The following RAB8B variants were observed in gnomAD, a reference collection of about 807,000 sequenced individuals.
RAB8B encodes ras-related protein Rab-8B.
RAB8B carries 11 observed loss-of-function variants against 32.0 expected under a neutral mutation model. The observed-to-expected ratio is 0.34, with a 90% CI of 0.22 to 0.57. The LOEUF (loss-of-function observed/expected upper bound fraction) is 0.57, where lower values mean the gene tolerates loss of function less well. Among genes scored for constraint, RAB8B ranks in the 20% least tolerant of loss-of-function variants. RAB8B has a pLI of 0.86. For synonymous variants in RAB8B, 103 were observed against 89.6 expected, an observed-to-expected ratio of 1.15 and a Z score of -0.85; for missense variants, 190 against 258.5, an observed-to-expected ratio of 0.73 and a Z score of 1.82.
At chr15:63,218,150 G>A (rs909999539) in intron 1 of RAB8B, among the ~76,000 whole-genome samples, 1 of 151,962 alleles carries the variant, frequency 6.6e-6, no homozygotes, top group Non-Finnish European at 1.5e-5. Context: ...ATGCACCAAT[G>A]GGAGGTGAAG....
intron 1 of RAB8B, among the ~76,000 whole-genome samples, chr15:63,226,082 C>A (rs2141124824): frequency 6.6e-6 from 1 of 152,262 alleles, no homozygotes; most frequent in South Asian, 2.1e-4. Flanking sequence ...TCAAGTGATC[C>A]TCTTGCCTAT....
In RAB8B at chr15:63,266,520, T is replaced by G. The variant is rs1038021554; in HGVS notation, c.*2901T>G. On this transcript the variant is annotated 3_prime_UTR_variant, in exon 8 of 8. Transcript: ENST00000321437. ...TATACTCTTTACTTTGAAGGTCTATTTTTTAATTATACCTCATTTAGCTAA... is the reference window on the plus strand; with the variant it reads ...TATACTCTTTACTTTGAAGGTCTATGTTTTAATTATACCTCATTTAGCTAA... 6.6e-6 allele frequency: 1 copy of G among 152,592 alleles called. No individual in the cohort carries two copies. 9.5% of individuals were successfully genotyped at this position (152,592 alleles called of 1,614,324 possible). A position where few individuals can be genotyped will look rare whatever the true frequency, so the allele number is the denominator to read the frequency against.
At chr15:63,261,784 G>A (rs1475928121) in intron 6 of RAB8B, among the ~76,000 whole-genome samples, 6 of 152,114 alleles carry the variant, frequency 3.9e-5, no homozygotes, top group Non-Finnish European at 8.8e-5. Flanking sequence ...GGAGTGTTGG[G>A]AACAAAGAGG....
At chr15:63,202,420 C>T (rs905641468) in intron 1 of RAB8B, among the ~76,000 whole-genome samples, 1 of 152,230 alleles carries the variant, frequency 6.6e-6, no homozygotes, top group African/African-American at 2.4e-5. Context: ...TCCCTCTTGG[C>T]CCCCAGAGGT....
intron 1 of RAB8B, among the ~76,000 whole-genome samples, chr15:63,195,874 A>G (rs2037595936): frequency 6.6e-6 from 1 of 152,256 alleles, no homozygotes; most frequent in African/African-American, 2.4e-5. Context: ...GCAAGTAGCC[A>G]CGGAAATGTA....
chr15:63,193,961 C>T (rs958951512), intron 1 of RAB8B, among the ~76,000 whole-genome samples: 2 of 151,988 alleles, frequency 1.3e-5, no homozygotes, highest in East Asian at 1.9e-4. Context: ...GAGGGCATAC[C>T]GACGTCTTGA....
chr15:63,240,514 A>G (rs920205768), intron 1 of RAB8B, among the ~76,000 whole-genome samples: 1 of 152,162 alleles, frequency 6.6e-6, no homozygotes, highest in African/African-American at 2.4e-5. Flanking sequence ...GAACTAACCT[A>G]CAGTTCAGTG....
intron 2 of RAB8B, among the ~76,000 whole-genome samples, chr15:63,245,279 GT>G (rs1449757533): frequency 6.6e-6 from 1 of 152,090 alleles, no homozygotes; most frequent in Admixed American, 6.5e-5. Flanking sequence ...TTGTAAATTG[GT>G]TGGATTGATG....
chr15:63,212,628 T>C (rs2037757390), intron 1 of RAB8B, among the ~76,000 whole-genome samples: 1 of 152,128 alleles, frequency 6.6e-6, no homozygotes, highest in South Asian at 2.1e-4. Flanking sequence ...AGCTTTACTG[T>C]GGGAAGAGGG....
At chr15:63,222,253 C>G (rs933063315) in intron 1 of RAB8B, among the ~76,000 whole-genome samples, 1 of 152,222 alleles carries the variant, frequency 6.6e-6, no homozygotes, top group African/African-American at 2.4e-5. Context: ...ATAACACCAT[C>G]TCCTCCTTTT....
intron 1 of RAB8B, among the ~76,000 whole-genome samples, chr15:63,238,048 A>G (rs117973732): frequency 0.018 from 2,682 of 151,984 alleles, 172 homozygotes; most frequent in Admixed American, 0.14. Flanking sequence ...CACTGTAGAT[A>G]TATAGATTTA....
intron 1 of RAB8B, among the ~76,000 whole-genome samples, chr15:63,196,372 G>GGACTA (rs1184767909): frequency 6.6e-6 from 1 of 152,184 alleles, no homozygotes; most frequent in Non-Finnish European, 1.5e-5. Context: ...CAGATGAGGT[G>GGACTA]GACTAGTATG....
chr15:63,244,274 G>T (rs2038054551), intron 1 of RAB8B, among the ~76,000 whole-genome samples: 1 of 152,174 alleles, frequency 6.6e-6, no homozygotes, highest in Non-Finnish European at 1.5e-5. Context: ...AGATATGCAG[G>T]CTTTCCCTCC....
chr15:63,198,214 C>G (rs1427216903), intron 1 of RAB8B, among the ~76,000 whole-genome samples: 1 of 152,154 alleles, frequency 6.6e-6, no homozygotes, highest in Non-Finnish European at 1.5e-5. Flanking sequence ...AGTTTGGGAA[C>G]AGTTCTCTAC....
chr15:63,224,608 T>A (rs2037873628), intron 1 of RAB8B, among the ~76,000 whole-genome samples: 1 of 152,212 alleles, frequency 6.6e-6, no homozygotes, highest in Non-Finnish European at 1.5e-5. Flanking sequence ...GATGATCAGA[T>A]CTATTTCAGA....
At chr15:63,197,758 G>A (rs754725695) in intron 1 of RAB8B, among the ~76,000 whole-genome samples, 1 of 152,090 alleles carries the variant, frequency 6.6e-6, no homozygotes, top group Non-Finnish European at 1.5e-5. Context: ...TGTCAATCCT[G>A]ATGGATTGGT....
intron 2 of RAB8B, among the ~76,000 whole-genome samples, chr15:63,246,946 G>A (rs894430291): frequency 2.0e-5 from 3 of 152,130 alleles, no homozygotes; most frequent in Admixed American, 6.5e-5. Context: ...ATCAGGAGCA[G>A]AGACCAAATA....
At chr15:63,247,311 G>A (rs1376364283) in intron 2 of RAB8B, among the ~76,000 whole-genome samples, 3 of 152,222 alleles carry the variant, frequency 2.0e-5, no homozygotes, top group Admixed American at 6.5e-5. Context: ...AAATGTTGGA[G>A]GAACACAAAC....
intron 2 of RAB8B, among the ~76,000 whole-genome samples, chr15:63,245,468 G>T (rs1036882434): frequency 6.6e-6 from 1 of 152,186 alleles, no homozygotes; most frequent in African/African-American, 2.4e-5. Context: ...ATGTCAGGGG[G>T]TTCCCCCCAC....
Sources: allele counts gnomAD v4.1 joint callset (sites outside exome capture counted in the v4.1 genomes callset), GRCh38; gene constraint gnomAD v4.1.1; transcripts MANE v1.5; gene names NCBI Gene and HGNC (gene_info 2026-07-23, HGNC 2026-07-21).